The following ESRRG variants were observed in gnomAD, a reference collection of about 807,000 sequenced individuals.
ESRRG encodes estrogen-related receptor gamma.
In ESRRG, 13 loss-of-function variants were observed where a neutral mutation model predicts 44.0. That is an observed-to-expected ratio of 0.30 (90% CI 0.19 to 0.47). The LOEUF (loss-of-function observed/expected upper bound fraction) is 0.47. ESRRG is among the 20% of genes least tolerant of loss of function. ESRRG has a pLI of 1.00. For missense variants in ESRRG, 395 were observed against 580.6 expected, an observed-to-expected ratio of 0.68 and a Z score of 3.29; for synonymous variants, 215 against 214.6, an observed-to-expected ratio of 1.00 and a Z score of -0.02.
At position 216,677,323 on chromosome 1, in the gene ESRRG, A is replaced by T. The variant is rs765761272; in HGVS notation, c.225T>A (p.His75Gln). 1 of 1,614,022 alleles carries T rather than the reference A, an allele frequency of 6.2e-7. No homozygotes were observed. Among genetic ancestry groups the T allele is most frequent in the East Asian group, 2.2e-5 (1 of 44,872 alleles). The stretch of plus-strand genomic sequence containing the variant: ...GAGGTGGCGAGTCAAGTCCGTTCTG[A>T]TGGCCATTCATGGTTGAACTGTAGC... ...SGSYSSTMNG[H>Q]QNGLDSPPLY... The change falls in exon 2 of 7, where the codon CAT becomes CAA. Residue 75 changes from histidine (H) to glutamine (Q), a missense_variant. His to Gln is a conservative substitution (Grantham distance 24). Around this residue, in one of 5 missense-constraint regions of ESRRG, gnomAD observed 148 missense variants for 150.4 expected, o/e 0.98. Coordinates refer to ENST00000408911, the MANE Select transcript of ESRRG (RefSeq NM_001438.4).
At chr1:217,062,520 G>A (rs924483358) in intron 1 of ESRRG, among the ~76,000 whole-genome samples, 9 of 152,098 alleles carry the variant, frequency 5.9e-5, no homozygotes, top group Non-Finnish European at 1.3e-4. Context: ...AGAATCAGCT[G>A]CTCCAAAATA....
chr1:217,028,541 G>GA (rs1560523717), intron 1 of ESRRG, among the ~76,000 whole-genome samples: 1 of 152,142 alleles, frequency 6.6e-6, no homozygotes, highest in Non-Finnish European at 1.5e-5. Flanking sequence ...TTTCTCCCAG[G>GA]AGAGGGGTGA....
intron 1 of ESRRG, among the ~76,000 whole-genome samples, chr1:216,966,442 G>T (rs1221564004): frequency 6.6e-6 from 1 of 152,108 alleles, no homozygotes; most frequent in Non-Finnish European, 1.5e-5. Context: ...AAGCCCTTGG[G>T]CTCAACCTCT....
In ESRRG at chr1:217,120,768, C is replaced by T. The variant is rs141918279; in HGVS notation, c.-230+16899G>A. On this transcript the variant is annotated intron_variant, in intron 1 of 8. Transcript: ENST00000366940. ...TTCATCTTTTACATTTTCGCTCATA[C>T]GTACCAACTTGGTGAAGTCTCCCTT... Among the ~76,000 whole-genome samples, 565 of 152,316 alleles carry T rather than the reference C, an allele frequency of 3.7e-3. 1 individual carries two copies. The highest frequency in any genetic ancestry group is 0.013 in the African/African-American group (535 of 41,586).
At chr1:216,584,888 G>C (rs556003657) in intron 3 of ESRRG, among the ~76,000 whole-genome samples, 1 of 152,150 alleles carries the variant, frequency 6.6e-6, no homozygotes, top group Non-Finnish European at 1.5e-5. Flanking sequence ...ATGTGTAACA[G>C]AGTAGTTTTA....
At chr1:216,879,355 C>G (rs934113486) in intron 2 of ESRRG, among the ~76,000 whole-genome samples, 1 of 152,030 alleles carries the variant, frequency 6.6e-6, no homozygotes, top group Non-Finnish European at 1.5e-5. Flanking sequence ...ATTGCCATGA[C>G]AGTCTCTGAT....
chr1:216,628,423 G>A (rs2063549119), intron 3 of ESRRG, among the ~76,000 whole-genome samples: 1 of 152,112 alleles, frequency 6.6e-6, no homozygotes, highest in Admixed American at 6.6e-5. Context: ...CTTGGCCAAG[G>A]ATCAAATCCT....
intron 2 of ESRRG, among the ~76,000 whole-genome samples, chr1:216,897,302 G>A (rs2058542616): frequency 1.3e-5 from 2 of 152,090 alleles, no homozygotes; most frequent in African/African-American, 2.4e-5. Flanking sequence ...CCTTTTTTGG[G>A]TCAGTAGTTT....
At chr1:216,526,688 G>T (rs1460232927) in intron 5 of ESRRG, among the ~76,000 whole-genome samples, 2 of 152,124 alleles carry the variant, frequency 1.3e-5, no homozygotes, top group African/African-American at 4.8e-5. Context: ...GCAAACTGTG[G>T]ACTACACACT....
chr1:216,739,035 T>C (rs1359029887), intron 2 of ESRRG, among the ~76,000 whole-genome samples: 1 of 152,080 alleles, frequency 6.6e-6, no homozygotes, highest in East Asian at 1.9e-4. Context: ...CCTTAATACT[T>C]AGTTTACCTT....
chr1:216,939,027 T>A (rs1195242400), intron 2 of ESRRG, among the ~76,000 whole-genome samples: 1 of 152,064 alleles, frequency 6.6e-6, no homozygotes, highest in Non-Finnish European at 1.5e-5. Flanking sequence ...TAGACAGATA[T>A]CTCTAGAAAG....
intron 1 of ESRRG, among the ~76,000 whole-genome samples, chr1:216,949,872 G>T (rs1432032781): frequency 2.0e-5 from 3 of 151,548 alleles, no homozygotes; most frequent in Non-Finnish European, 4.4e-5. Flanking sequence ...GAGTGCAGTG[G>T]TGCCATGTCA....
chr1:216,920,867 T>C (rs1246551510), intron 2 of ESRRG, among the ~76,000 whole-genome samples: 1 of 152,194 alleles, frequency 6.6e-6, no homozygotes, highest in Non-Finnish European at 1.5e-5. Flanking sequence ...GTTTAACGCA[T>C]CTTAGTGTCT....
At chr1:217,046,918 A>G (rs1426434762) in intron 1 of ESRRG, among the ~76,000 whole-genome samples, 1 of 152,152 alleles carries the variant, frequency 6.6e-6, no homozygotes, top group East Asian at 1.9e-4. Flanking sequence ...AAGATATGCA[A>G]CATCATTGGA....
intron 3 of ESRRG, among the ~76,000 whole-genome samples, chr1:216,608,245 T>C (rs1241791614): frequency 6.6e-6 from 1 of 152,236 alleles, no homozygotes; most frequent in Non-Finnish European, 1.5e-5. Context: ...ACTTAAATAT[T>C]ATCCTCCTTT....
chr1:216,627,900 G>T (rs1027491746), intron 3 of ESRRG, among the ~76,000 whole-genome samples: 5 of 152,092 alleles, frequency 3.3e-5, no homozygotes, highest in African/African-American at 1.2e-4. Context: ...TGTATTTACA[G>T]TATGCAAGGT....
chr1:217,116,835 T>C (rs1217988798), intron 1 of ESRRG, among the ~76,000 whole-genome samples: 1 of 152,106 alleles, frequency 6.6e-6, no homozygotes, highest in Non-Finnish European at 1.5e-5. Flanking sequence ...AGGCATGGAG[T>C]TGGCAAGAAT....
At chr1:217,041,456 A>G (rs1276946033) in intron 1 of ESRRG, among the ~76,000 whole-genome samples, 1 of 152,184 alleles carries the variant, frequency 6.6e-6, no homozygotes, top group East Asian at 1.9e-4. Flanking sequence ...CACAAATAAT[A>G]CTACATAGTT....
At chr1:216,667,933 T>C (rs1013354052) in intron 2 of ESRRG, among the ~76,000 whole-genome samples, 1 of 150,934 alleles carries the variant, frequency 6.6e-6, no homozygotes, top group Non-Finnish European at 1.5e-5. Flanking sequence ...CCGTCTCTAC[T>C]GAAAAATACA....
Sources: gnomAD v4.1 joint callset for allele counts (sites outside exome capture counted in the v4.1 genomes callset) on GRCh38, gnomAD v4.1.1 for gene constraint, gnomAD v4.1.1 regional missense constraint, MANE v1.5 for transcripts, NCBI Gene and HGNC (gene_info 2026-07-23, HGNC 2026-07-21) for gene names.